ILRUN: variants seen among roughly 807,000 people sequenced by gnomAD.
The protein encoded by ILRUN is protein ILRUN.
Under a neutral mutation model 33.8 loss-of-function variants are expected in ILRUN, and 3 were observed. That is an observed-to-expected ratio of 0.09 (90% CI 0.04 to 0.23). ILRUN has a LOEUF of 0.23. ILRUN is among the 10% of genes least tolerant of loss of function. ILRUN has a pLI of 1.00. For synonymous variants in ILRUN, 124 were observed against 138.9 expected, an observed-to-expected ratio of 0.89 and a Z score of 0.75; for missense variants, 210 against 375.1, an observed-to-expected ratio of 0.56 and a Z score of 3.64.
In ILRUN at chr6:34,669,974, C is replaced by T. The variant is rs140662499; in HGVS notation, c.159-15195G>A. 2.8e-4 allele frequency among the ~76,000 whole-genome samples: 43 copies of T among 151,908 alleles called. No individual in the cohort carries two copies. The East Asian group carries it at 7.6e-3, about 27-fold the overall frequency. Reference sequence around the variant, plus strand: ...TTGCCCAGGCTGGAATGTAATGGCGCAATCTCGGCTCACTGAAACCTCTGC... The same window carrying T: ...TTGCCCAGGCTGGAATGTAATGGCGTAATCTCGGCTCACTGAAACCTCTGC... On this transcript the variant is annotated intron_variant, in intron 1 of 4. Transcript: ENST00000374023.
chr6:34,672,594 A>C (rs1763140440), intron 1 of ILRUN, among the ~76,000 whole-genome samples: 3 of 152,170 alleles, frequency 2.0e-5, no homozygotes, highest in African/African-American at 7.2e-5. Context: ...CAAGAACCAC[A>C]ATATATTTAT....
At chr6:34,635,983 C>T (rs541624503) in intron 3 of ILRUN, among the ~76,000 whole-genome samples, 4 of 152,200 alleles carry the variant, frequency 2.6e-5, no homozygotes, top group East Asian at 3.9e-4. Flanking sequence ...CCAGACTGGA[C>T]GTACTGGTTC....
chr6:34,609,886 T>G (rs1437206775), intron 3 of ILRUN, among the ~76,000 whole-genome samples: 2 of 152,036 alleles, frequency 1.3e-5, no homozygotes, highest in Non-Finnish European at 2.9e-5. Context: ...TGGCCGGGTG[T>G]GGTGGCTCAT....
intron 3 of ILRUN, chr6:34,617,097 T>C: frequency 1.9e-6 from 1 of 533,664 alleles, no homozygotes; most frequent in Non-Finnish European, 3.7e-6. Flanking sequence ...ATGAGATCTA[T>C]ACTGTTGGAA....
chr6:34,633,397 C>T (rs780139806), intron 3 of ILRUN, among the ~76,000 whole-genome samples: 1 of 152,142 alleles, frequency 6.6e-6, no homozygotes, highest in Non-Finnish European at 1.5e-5. Context: ...CAAAAATCAA[C>T]AGATATAAAG....
At chr6:34,614,054 G>A (rs1761815586) in intron 3 of ILRUN, among the ~76,000 whole-genome samples, 1 of 152,134 alleles carries the variant, frequency 6.6e-6, no homozygotes, top group South Asian at 2.1e-4. Flanking sequence ...ACTTCCACTG[G>A]CCAAAGCTGG....
chr6:34,658,974 CA>C (rs1762834335), intron 1 of ILRUN, among the ~76,000 whole-genome samples: 1 of 152,200 alleles, frequency 6.6e-6, no homozygotes, highest in Admixed American at 6.6e-5. Flanking sequence ...GCAACGTATG[CA>C]AATGTCCTGG....
At chr6:34,659,100 T>A (rs540456760) in intron 1 of ILRUN, among the ~76,000 whole-genome samples, 51 of 152,346 alleles carry the variant, frequency 3.3e-4, no homozygotes, top group South Asian at 1.4e-3. Flanking sequence ...GGCCCTTGCC[T>A]TCAGTGTTTA....
chr6:34,616,546 T>C (rs1761895864), intron 3 of ILRUN: 2 of 1,235,100 alleles, frequency 1.6e-6, no homozygotes, highest in African/African-American at 3.0e-5. Flanking sequence ...CCATGGAGGG[T>C]GTCGAAGAGA....
At chr6:34,619,974 G>C (rs1761978781) in intron 3 of ILRUN, among the ~76,000 whole-genome samples, 3 of 126,828 alleles carry the variant, frequency 2.4e-5, no homozygotes, top group African/African-American at 9.4e-5. Flanking sequence ...GACAGAGCAA[G>C]ACTCTGTCTC....
At chr6:34,628,876 G>A (rs1762192786) in intron 3 of ILRUN, among the ~76,000 whole-genome samples, 1 of 152,056 alleles carries the variant, frequency 6.6e-6, no homozygotes, top group African/African-American at 2.4e-5. Context: ...AGGACTTTGG[G>A]AGGCCAAGAC....
chr6:34,630,409 G>C (rs948204717), intron 3 of ILRUN, among the ~76,000 whole-genome samples: 2 of 152,186 alleles, frequency 1.3e-5, no homozygotes, highest in African/African-American at 4.8e-5. Context: ...TTTTGAAACA[G>C]AGTCTCACTC....
At chr6:34,639,135 G>GATAATAGAGTGTAGTTTA (rs1762421067) in intron 3 of ILRUN, among the ~76,000 whole-genome samples, 1 of 152,178 alleles carries the variant, frequency 6.6e-6, no homozygotes, top group South Asian at 2.1e-4. Context: ...TTTACATAGA[G>GATAATAGAGTGTAGTTTA]CACCCAATAA....
chr6:34,614,266 C>G (rs753674496), intron 3 of ILRUN, among the ~76,000 whole-genome samples: 3 of 151,054 alleles, frequency 2.0e-5, no homozygotes, highest in Non-Finnish European at 4.4e-5. Context: ...ACTAAATATA[C>G]AAAAAATTAG....
At position 34,696,675 on chromosome 6, in the gene ILRUN, C is replaced by T; in HGVS notation, c.-72G>A. The T allele has an allele frequency of 6.5e-7, 1 of 1,530,618 alleles. No homozygotes were observed. Among genetic ancestry groups the T allele is most frequent in the South Asian group, 1.2e-5 (1 of 84,682 alleles). 94.8% of individuals were successfully genotyped at this position (1,530,618 alleles called of 1,614,324 possible). A position where few individuals can be genotyped will look rare whatever the true frequency, so the allele number is the denominator to read the frequency against. The stretch of plus-strand genomic sequence containing the variant: ...CCGCCGCGCCGCCGGGCCCGGGGAC[C>T]TGGAGGGGGGCCGCTGCTAGCTAGC... On this transcript the variant is annotated 5_prime_UTR_variant, in exon 1 of 5. Coordinates refer to ENST00000374023, the MANE Select transcript of ILRUN (RefSeq NM_024294.4).
At chr6:34,606,347 T>C (rs1761629235) in intron 4 of ILRUN, among the ~76,000 whole-genome samples, 1 of 152,166 alleles carries the variant, frequency 6.6e-6, no homozygotes, top group Admixed American at 6.5e-5. Flanking sequence ...TAAATGTGGA[T>C]GAAGCAACAT....
chr6:34,654,484 G>C, intron 2 of ILRUN, 141 bp downstream of exon 2: 1 of 814,004 alleles, frequency 1.2e-6, no homozygotes, highest in Non-Finnish European at 1.9e-6. Context: ...CATCACACCA[G>C]TACAAGAAAA....
At chr6:34,604,251 A>C (rs2814974) in intron 4 of ILRUN, among the ~76,000 whole-genome samples, 67,798 of 152,088 alleles carry the variant, frequency 0.45, 17,059 homozygotes, top group African/African-American at 0.69. Context: ...AAAGAAGCAA[A>C]CCCTGGTAGG....
chr6:34,591,289 G>A (rs1485407841), intron 4 of ILRUN, among the ~76,000 whole-genome samples: 5 of 152,138 alleles, frequency 3.3e-5, no homozygotes, highest in South Asian at 2.1e-4. Flanking sequence ...CCAGGAGCTC[G>A]AGACTAGCCT....
Sources: gnomAD v4.1 joint callset for allele counts (sites outside exome capture counted in the v4.1 genomes callset) on GRCh38, gnomAD v4.1.1 for gene constraint, MANE v1.5 for transcripts, NCBI Gene and HGNC (gene_info 2026-07-23, HGNC 2026-07-21) for gene names.